SLC25A21: variants seen among roughly 807,000 people sequenced by gnomAD.
SLC25A21 encodes the protein mitochondrial 2-oxodicarboxylate carrier.
In SLC25A21, 47 loss-of-function variants were observed where a neutral mutation model predicts 43.8. That is an observed-to-expected ratio of 1.07 (90% confidence interval 0.85 to 1.37). The LOEUF (loss-of-function observed/expected upper bound fraction) is 1.37, where lower values mean the gene tolerates loss of function less well. Ranked by LOEUF, SLC25A21 falls within the 40% of genes most tolerant of loss-of-function variation. The pLI is 0.00. For missense variants in SLC25A21, 352 were observed against 350.2 expected (o/e 1.00, Z -0.04); for synonymous variants, 131 against 121.3 (o/e 1.08, Z -0.52).
chr14:36,681,149 A>C (rs1882236168), intron 9 of SLC25A21, among the ~76,000 whole-genome samples: 1 of 152,208 alleles, frequency 6.6e-6, no homozygotes. Context: ...AAAATCTCTA[A>C]GATGGTGCTT....
At chr14:36,938,578 T>C (rs916315715) in intron 1 of SLC25A21, among the ~76,000 whole-genome samples, 1 of 152,014 alleles carries the variant, frequency 6.6e-6, no homozygotes, top group African/African-American at 2.4e-5. Context: ...TTGGTTGATT[T>C]TGATATTTCA....
At chr14:37,120,951 C>T (rs1342387501) in intron 1 of SLC25A21, among the ~76,000 whole-genome samples, 1 of 152,132 alleles carries the variant, frequency 6.6e-6, no homozygotes, top group African/African-American at 2.4e-5. Context: ...GTTGTGGATG[C>T]TATAAACGTG....
intron 1 of SLC25A21, among the ~76,000 whole-genome samples, chr14:36,952,079 CA>C (rs563732548): frequency 4.7e-4 from 71 of 151,958 alleles, no homozygotes; most frequent in African/African-American, 1.7e-3. Flanking sequence ...ACTAAAAATA[CA>C]AAATTAACTG....
chr14:37,148,119 T>C (rs1438722241), intron 1 of SLC25A21, among the ~76,000 whole-genome samples: 1 of 152,152 alleles, frequency 6.6e-6, no homozygotes, highest in Non-Finnish European at 1.5e-5. Flanking sequence ...ATTACAGGCA[T>C]GAGCCACCAC....
intron 1 of SLC25A21, among the ~76,000 whole-genome samples, chr14:37,065,559 G>GGAAAGGGCAAATTA (rs148172290): frequency 0.028 from 4,236 of 152,198 alleles, 83 homozygotes; most frequent in Middle Eastern, 0.044. Flanking sequence ...ACACCCTCAG[G>GGAAAGGGCAAATTA]GAAAGGGCAA....
intron 7 of SLC25A21, among the ~76,000 whole-genome samples, chr14:36,686,087 C>A (rs1230204731): frequency 6.6e-6 from 1 of 152,138 alleles, no homozygotes; most frequent in Admixed American, 6.5e-5. Flanking sequence ...CAGGTCTAAG[C>A]ATTACATGCT....
chr14:36,704,520 G>A (rs1034945503), intron 7 of SLC25A21, among the ~76,000 whole-genome samples: 4 of 152,032 alleles, frequency 2.6e-5, no homozygotes, highest in African/African-American at 9.7e-5. Context: ...AGCTAGGCAT[G>A]TTGGTGCGCA....
In SLC25A21 at chr14:37,133,629, TA is replaced by T. The variant is rs146992171; in HGVS notation, c.70+38651del. Among the ~76,000 whole-genome samples, 501 of 146,566 alleles carry T rather than the reference TA, an allele frequency of 3.4e-3. 4 individuals carry two copies. The highest frequency in any genetic ancestry group is 0.011 in the Middle Eastern group (3 of 284). ...TTGTAAACAAATACCTCATACACCA[TA>T]AAAAAAAAACCACCAACACCTGCCC... On this transcript the variant is annotated intron_variant, in intron 1 of 9. Transcript: ENST00000331299.
intron 1 of SLC25A21, among the ~76,000 whole-genome samples, chr14:37,088,940 A>G (rs1962533414): frequency 6.6e-6 from 1 of 152,276 alleles, no homozygotes; most frequent in Middle Eastern, 3.4e-3. Context: ...GGGTTATACA[A>G]ATTCCTTCAC....
chr14:37,085,137 A>T (rs1440991154), intron 1 of SLC25A21, among the ~76,000 whole-genome samples: 1 of 152,158 alleles, frequency 6.6e-6, no homozygotes, highest in Non-Finnish European at 1.5e-5. Context: ...AAAATACAAG[A>T]AATGCCACTG....
chr14:36,680,276 G>GTT lies in SLC25A21; in HGVS notation c.*380_*381dup. ...TGAATAATTTGATTTATTTTCAATA[G>GTT]TTTAAGCATTTCTAGACCTCTTAGG... On this transcript the variant is annotated 3_prime_UTR_variant, in exon 10 of 10. Coordinates refer to ENST00000331299, the MANE Select transcript of SLC25A21 (RefSeq NM_030631.4). 1 of 966,944 alleles carries GTT rather than the reference G, an allele frequency of 1.0e-6. No homozygotes were observed. The highest frequency in any genetic ancestry group is 1.2e-6 in the Non-Finnish European group (1 of 818,006). The allele number at this position is 966,944 out of a possible 1,614,324, so 59.9% of individuals were successfully genotyped here.
rs10136656 is a variant in SLC25A21, at chr14:36,747,065, A to G, written c.204-12492T>C. ...TACATCAACAAATATATATAAATTC[A>G]TATACCCAGACATGACTCAGTATCC... On this transcript the variant is annotated intron_variant, in intron 3 of 9. Coordinates refer to ENST00000331299, the MANE Select transcript of SLC25A21 (RefSeq NM_030631.4). Among the ~76,000 whole-genome samples, 592 of 152,286 alleles carry G rather than the reference A, an allele frequency of 3.9e-3. 3 individuals carry two copies. Among genetic ancestry groups the G allele is most frequent in the African/African-American group, 0.013 (560 of 41,586 alleles).
intron 1 of SLC25A21, among the ~76,000 whole-genome samples, chr14:36,969,896 G>A (rs1281863488): frequency 6.6e-6 from 1 of 152,018 alleles, no homozygotes; most frequent in African/African-American, 2.4e-5. Flanking sequence ...TGCTCTCCCA[G>A]GTAAAATGCC....
chr14:36,695,814 C>T (rs1364356177), intron 7 of SLC25A21, among the ~76,000 whole-genome samples: 2 of 152,138 alleles, frequency 1.3e-5, no homozygotes, highest in African/African-American at 2.4e-5. Flanking sequence ...TGGGCTGAGA[C>T]GATGGGGTTT....
intron 1 of SLC25A21, among the ~76,000 whole-genome samples, chr14:36,964,645 C>T (rs1959572042): frequency 6.6e-6 from 1 of 152,114 alleles, no homozygotes; most frequent in African/African-American, 2.4e-5. Context: ...ATTATTGGTA[C>T]CTTGTCAACA....
At chr14:37,086,514 T>G (rs1962489585) in intron 1 of SLC25A21, among the ~76,000 whole-genome samples, 1 of 152,172 alleles carries the variant, frequency 6.6e-6, no homozygotes, top group African/African-American at 2.4e-5. Flanking sequence ...TAAATTTAGG[T>G]GTTTGTATAA....
At chr14:36,873,352 G>C (rs1442456713) in intron 2 of SLC25A21, among the ~76,000 whole-genome samples, 1 of 152,072 alleles carries the variant, frequency 6.6e-6, no homozygotes, top group East Asian at 1.9e-4. Flanking sequence ...CTGAAGTGCA[G>C]TGGTGCGATC....
intron 1 of SLC25A21, among the ~76,000 whole-genome samples, chr14:36,964,794 T>A (rs1218283281): frequency 6.6e-6 from 1 of 152,176 alleles, no homozygotes; most frequent in African/African-American, 2.4e-5. Context: ...GACAAATGAT[T>A]CAACATGAAC....
At chr14:36,821,025 AG>A (rs1952696202) in intron 2 of SLC25A21, among the ~76,000 whole-genome samples, 1 of 152,256 alleles carries the variant, frequency 6.6e-6, no homozygotes, top group African/African-American at 2.4e-5. Context: ...TACTGAAATT[AG>A]ATGTTGCTCC....
Sources: allele counts gnomAD v4.1 joint callset (sites outside exome capture counted in the v4.1 genomes callset), GRCh38; gene constraint gnomAD v4.1.1; transcripts MANE v1.5; gene names NCBI Gene and HGNC (gene_info 2026-07-23, HGNC 2026-07-21).